The following SLCO6A1 variants were observed in gnomAD, a reference collection of about 807,000 sequenced individuals.
SLCO6A1 encodes the protein cancer/testis antigen 48.
Under a neutral mutation model 72.7 loss-of-function variants are expected in SLCO6A1, and 65 were observed. The observed-to-expected ratio is 0.89, with a 90% CI of 0.73 to 1.10. The LOEUF (loss-of-function observed/expected upper bound fraction) is 1.10. SLCO6A1 is among the 50% of genes least tolerant of loss of function. SLCO6A1 has a pLI of 0.00. For synonymous variants in SLCO6A1, 314 were observed against 298.2 expected, an observed-to-expected ratio of 1.05 and a Z score of -0.55; for missense variants, 874 against 872.6, an observed-to-expected ratio of 1.00 and a Z score of -0.02.
chr5:102,372,984 C>T (rs1750704908), intron 13 of SLCO6A1, among the ~76,000 whole-genome samples: 1 of 151,318 alleles, frequency 6.6e-6, no homozygotes, highest in South Asian at 2.1e-4. Context: ...TATCTACTGC[C>T]CAAATCAAAA....
At chr5:102,451,232 G>A (rs758294821) in intron 6 of SLCO6A1, among the ~76,000 whole-genome samples, 6 of 152,258 alleles carry the variant, frequency 3.9e-5, no homozygotes, top group African/African-American at 9.6e-5. Context: ...AGGCCTGTCC[G>A]TTACCTCTGG....
chr5:102,386,708 G>A (rs1265578493), intron 12 of SLCO6A1, among the ~76,000 whole-genome samples: 1 of 152,166 alleles, frequency 6.6e-6, no homozygotes. Flanking sequence ...CATAGTCTGT[G>A]GGTGCCAGCC....
Position 102,438,757 on chromosome 5 carries a change from A to T in SLCO6A1, c.1136T>A (p.Leu379Gln), listed in dbSNP as rs753466700. The T allele has an allele frequency of 6.5e-7, 1 of 1,530,722 alleles. No individual in the cohort carries two copies. The highest frequency in any genetic ancestry group is 1.3e-5 in the South Asian group (1 of 75,304). The allele number at this position is 1,530,722 out of a possible 1,614,324, so 94.8% of individuals were successfully genotyped here. A position where few individuals can be genotyped will look rare whatever the true frequency, so the allele number is the denominator to read the frequency against. Residue 379 changes from leucine to glutamine, a missense_variant, in exon 7 of 14, where the codon CTG (leucine) becomes CAG (glutamine). Physicochemically the swap from Leu to Gln is moderately radical, Grantham distance 113 (BLOSUM62 -2). Coordinates refer to ENST00000506729, the MANE Select transcript of SLCO6A1 (RefSeq NM_173488.5). ...GCATATGAGCACTGGATTCTTCATCAGAATCTGAAATAAAAATAAGTTATA... is the reference window on the plus strand; with the variant it reads ...GCATATGAGCACTGGATTCTTCATCTGAATCTGAAATAAAAATAAGTTATA... ...IKDLCAALWILMKNPVLICLA... is the reference protein window; with the variant it reads ...IKDLCAALWIQMKNPVLICLA...
At chr5:102,474,725 C>G (rs897229094) in intron 4 of SLCO6A1, among the ~76,000 whole-genome samples, 1 of 151,672 alleles carries the variant, frequency 6.6e-6, no homozygotes, top group Non-Finnish European at 1.5e-5. Context: ...CCAATAGCAA[C>G]AAAAAACAAT....
chr5:102,397,266 C>T (rs1161168922), intron 10 of SLCO6A1, among the ~76,000 whole-genome samples: 1 of 152,058 alleles, frequency 6.6e-6, no homozygotes, highest in Admixed American at 6.6e-5. Context: ...TTTCTACTTA[C>T]TCATTTTTGA....
At chr5:102,408,238 TTCTC>T (rs58951504) in intron 9 of SLCO6A1, among the ~76,000 whole-genome samples, 3 of 151,312 alleles carry the variant, frequency 2.0e-5, no homozygotes, top group African/African-American at 2.4e-5. Flanking sequence ...TATGTGAAGA[TTCTC>T]TCTCTCTCTC....
chr5:102,478,120 G>A (rs942131422), intron 2 of SLCO6A1, among the ~76,000 whole-genome samples: 1 of 151,908 alleles, frequency 6.6e-6, no homozygotes, highest in Admixed American at 6.6e-5. Context: ...AGAGGATTGT[G>A]ACAAGCCTGG....
chr5:102,486,575 C>T (rs1307692397), intron 1 of SLCO6A1, among the ~76,000 whole-genome samples: 1 of 151,854 alleles, frequency 6.6e-6, no homozygotes. Flanking sequence ...TCTATTGTTT[C>T]CAGGAGGCAA....
At chr5:102,397,931 G>T (rs1747187119) in intron 10 of SLCO6A1, among the ~76,000 whole-genome samples, 1 of 152,106 alleles carries the variant, frequency 6.6e-6, no homozygotes, top group Non-Finnish European at 1.5e-5. Context: ...GTGAGATTCA[G>T]AACTAAACTT....
intron 9 of SLCO6A1, among the ~76,000 whole-genome samples, chr5:102,410,233 G>T (rs1316661485): frequency 6.6e-6 from 1 of 152,076 alleles, no homozygotes; most frequent in African/African-American, 2.4e-5. Flanking sequence ...TCCCTCGAGA[G>T]GGTTGCTCCT....
chr5:102,406,505 T>G (rs1188016192), intron 9 of SLCO6A1, among the ~76,000 whole-genome samples: 1 of 148,452 alleles, frequency 6.7e-6, no homozygotes, highest in Non-Finnish European at 1.5e-5. Context: ...TTATATTAGA[T>G]CTTTTTCATA....
chr5:102,464,750 G>A (rs1751224915), intron 4 of SLCO6A1, among the ~76,000 whole-genome samples: 1 of 152,140 alleles, frequency 6.6e-6, no homozygotes, highest in African/African-American at 2.4e-5. Flanking sequence ...GGAAAGGAAA[G>A]GAAAGAATAA....
intron 12 of SLCO6A1, among the ~76,000 whole-genome samples, chr5:102,377,313 C>T (rs528778606): frequency 7.4e-4 from 112 of 152,218 alleles, no homozygotes; most frequent in African/African-American, 2.5e-3. Flanking sequence ...AAAGCACAAG[C>T]TAATGCTGTA....
intron 12 of SLCO6A1, among the ~76,000 whole-genome samples, chr5:102,382,108 T>A (rs1465564758): frequency 1.3e-5 from 2 of 151,808 alleles, no homozygotes; most frequent in Non-Finnish European, 3.0e-5. Context: ...TTTGCTTTTG[T>A]TGCCTATGCT....
Position 102,459,769 on chromosome 5 carries a change from A to T in SLCO6A1, c.908T>A (p.Val303Asp). The change falls in exon 5 of 14, where the codon GTC becomes GAC. Residue 303 changes from valine to aspartate, a missense_variant. Coordinates refer to ENST00000506729, the MANE Select transcript of SLCO6A1 (RefSeq NM_173488.5). Reference protein sequence around the residue: ...ENTTSATNTTVNNGSPEWLWT... With the variant: ...ENTTSATNTTDNNGSPEWLWT... Reference sequence around the variant, plus strand: ...TAGCCATTCTGGACTACCATTATTGACTGTAGTGCTTTAATAAAGAAAAGT... The same window carrying T: ...TAGCCATTCTGGACTACCATTATTGTCTGTAGTGCTTTAATAAAGAAAAGT... The T allele has an allele frequency of 6.3e-7, 1 of 1,577,478 alleles. No individual in the cohort carries two copies.
chr5:102,489,269 T>G (rs1471571515), intron 1 of SLCO6A1, among the ~76,000 whole-genome samples: 1 of 152,182 alleles, frequency 6.6e-6, no homozygotes, highest in Non-Finnish European at 1.5e-5. Context: ...TCTCCTCTCC[T>G]TCTCTTCAAA....
chr5:102,456,657 C>T (rs539694062), intron 6 of SLCO6A1, among the ~76,000 whole-genome samples: 5 of 152,164 alleles, frequency 3.3e-5, no homozygotes, highest in South Asian at 4.2e-4. Flanking sequence ...GAATCAATAT[C>T]GTGAAAATGG....
chr5:102,432,682 C>T (rs953003453), intron 7 of SLCO6A1, among the ~76,000 whole-genome samples: 2 of 152,008 alleles, frequency 1.3e-5, no homozygotes, highest in African/African-American at 4.8e-5. Context: ...ATGGCCTGTC[C>T]TTTCTCTCTA....
intron 7 of SLCO6A1, among the ~76,000 whole-genome samples, chr5:102,425,693 G>A (rs1748854738): frequency 6.6e-6 from 1 of 152,112 alleles, no homozygotes; most frequent in South Asian, 2.1e-4. Flanking sequence ...TGGCCATACT[G>A]CCCAAAGTAA....
Sources: allele counts gnomAD v4.1 joint callset (sites outside exome capture counted in the v4.1 genomes callset), GRCh38; gene constraint gnomAD v4.1.1; transcripts MANE v1.5; gene names NCBI Gene and HGNC (gene_info 2026-07-23, HGNC 2026-07-21).